The following BRAF variants were observed in gnomAD, a reference collection of about 807,000 sequenced individuals.
BRAF encodes the protein serine/threonine-protein kinase B-raf.
Under a neutral mutation model 104.6 loss-of-function variants are expected in BRAF, and 16 were observed. That is an observed-to-expected ratio of 0.15 (90% CI 0.10 to 0.23). The LOEUF (loss-of-function observed/expected upper bound fraction) is 0.23. BRAF is among the 10% of genes least tolerant of loss of function. The pLI is 1.00. For missense variants in BRAF, 541 were observed against 937.3 expected (o/e 0.58, Z 5.52); for synonymous variants, 310 against 341.6 (o/e 0.91, Z 1.02).
At chr7:140,909,638 G>A (rs1563032009) in intron 1 of BRAF, among the ~76,000 whole-genome samples, 1 of 152,086 alleles carries the variant, frequency 6.6e-6, no homozygotes, top group African/African-American at 2.4e-5. Context: ...ATTTTCTAAA[G>A]GGGTGGAGTA....
intron 3 of BRAF, among the ~76,000 whole-genome samples, chr7:140,819,850 G>C (rs1004834065): frequency 1.3e-5 from 2 of 152,130 alleles, no homozygotes; most frequent in Non-Finnish European, 2.9e-5. Flanking sequence ...GACTGCTAAC[G>C]GGTACAGTGT....
At chr7:140,736,084 T>C (rs1351666309) in intron 18 of BRAF, among the ~76,000 whole-genome samples, 1 of 151,286 alleles carries the variant, frequency 6.6e-6, no homozygotes, top group Non-Finnish European at 1.5e-5. Context: ...TTTTTTTTTT[T>C]TTTTGAGATG....
chr7:140,804,345 T>C (rs1383886037), intron 5 of BRAF, among the ~76,000 whole-genome samples: 4 of 151,172 alleles, frequency 2.6e-5, no homozygotes, highest in Admixed American at 6.6e-5. Context: ...GCTAGGACTA[T>C]AGGCGCACAC....
intron 1 of BRAF, among the ~76,000 whole-genome samples, chr7:140,857,887 A>G (rs949152333): frequency 2.6e-5 from 4 of 152,176 alleles, no homozygotes; most frequent in African/African-American, 9.6e-5. Context: ...AAAATTCCAT[A>G]AAAATTAAAA....
chr7:140,811,502 G>C (rs1334965298), intron 3 of BRAF, among the ~76,000 whole-genome samples: 1 of 152,158 alleles, frequency 6.6e-6, no homozygotes, highest in Non-Finnish European at 1.5e-5. Context: ...ACCCAGCAGG[G>C]AGTCTATGTA....
chr7:140,873,238 T>G (rs866935125), intron 1 of BRAF, among the ~76,000 whole-genome samples: 2 of 146,568 alleles, frequency 1.4e-5, no homozygotes, highest in Non-Finnish European at 3.0e-5. Context: ...TGGCACGATC[T>G]CGGCTCACTG....
At chr7:140,824,283 G>A (rs559812183) in intron 3 of BRAF, 6 of 152,218 alleles carry the variant, frequency 3.9e-5, no homozygotes, top group African/African-American at 1.4e-4. Flanking sequence ...GGCTTTAACT[G>A]TTATGTTCAA....
At chr7:140,791,566 A>G (rs1464242645) in intron 8 of BRAF, among the ~76,000 whole-genome samples, 1 of 138,762 alleles carries the variant, frequency 7.2e-6, no homozygotes, top group East Asian at 2.2e-4. Context: ...ATTTACATCC[A>G]TGGCTTTAAC....
At chr7:140,820,433 CAAGA>C (rs1198670066) in intron 3 of BRAF, among the ~76,000 whole-genome samples, 1 of 152,078 alleles carries the variant, frequency 6.6e-6, no homozygotes. Flanking sequence ...AATTATCCAT[CAAGA>C]AAGAAATAGC....
At chr7:140,793,755 A>G (rs1802232114) in intron 8 of BRAF, among the ~76,000 whole-genome samples, 1 of 152,094 alleles carries the variant, frequency 6.6e-6, no homozygotes, top group South Asian at 2.1e-4. Context: ...CCTCCAGAGT[A>G]GCTGGGACTA....
At chr7:140,714,963 C>T (rs10224958), downstream of BRAF, among the ~76,000 whole-genome samples, 63 of 152,220 alleles carry the variant, frequency 4.1e-4, no homozygotes, top group African/African-American at 1.4e-3. Flanking sequence ...ATCAAGGTCT[C>T]GCATGGGACC....
chr7:140,725,687 T>C lies in BRAF; in HGVS notation c.*807A>G, dbSNP rs1795560510. The C allele has an allele frequency of 9.5e-7, 1 of 1,056,506 alleles. No homozygotes were observed. Among genetic ancestry groups the C allele is most frequent in the Non-Finnish European group, 1.1e-6 (1 of 875,132 alleles). 65.4% of individuals were successfully genotyped at this position (1,056,506 alleles called of 1,614,324 possible). On this transcript the variant is annotated 3_prime_UTR_variant, in exon 20 of 20. Transcript: ENST00000644969. ...TAAACTGTATTTCCTGAGAATTTGC[T>C]ACATTGTGGAGGAAAAAAAAAAAAC...
In BRAF at chr7:140,723,982, G is replaced by A. The variant is rs548700100; in HGVS notation, c.*2512C>T. 9 of 1,041,112 alleles carry A rather than the reference G, an allele frequency of 8.6e-6. No homozygotes were observed. The highest frequency in any genetic ancestry group is 8.1e-6 in the Non-Finnish European group (7 of 863,962). The allele number at this position is 1,041,112 out of a possible 1,614,324, so 64.5% of individuals were successfully genotyped here. A position where few individuals can be genotyped will look rare whatever the true frequency, so the allele number is the denominator to read the frequency against. The stretch of plus-strand genomic sequence containing the variant: ...GAAAAAACCTATTTCATAGAAAAAG[G>A]AAGAAAAGAGAGGTTTAAATATTTT... On this transcript the variant is annotated 3_prime_UTR_variant, in exon 20 of 20. Coordinates refer to ENST00000644969, the MANE Select transcript of BRAF (RefSeq NM_001374258.1).
chr7:140,794,620 A>G (rs1170412015), intron 7 of BRAF, among the ~76,000 whole-genome samples, 153 bp from the exon 8 acceptor site: 2 of 152,238 alleles, frequency 1.3e-5, no homozygotes, highest in Non-Finnish European at 2.9e-5. Flanking sequence ...TAAAAGTATT[A>G]ATTTAAAAAT....
intron 1 of BRAF, among the ~76,000 whole-genome samples, chr7:140,895,456 T>C (rs2129122297): frequency 6.6e-6 from 1 of 152,330 alleles, no homozygotes; most frequent in Non-Finnish European, 1.5e-5. Flanking sequence ...ATCCTCCTCC[T>C]AGCTATATGA....
chr7:140,723,873 T>C lies in BRAF; in HGVS notation c.*2621A>G, dbSNP rs542543569. The C allele has an allele frequency of 2.9e-6, 3 of 1,046,352 alleles. No individual in the cohort carries two copies. Among genetic ancestry groups the C allele is most frequent in the East Asian group, 1.1e-4 (2 of 17,762 alleles). The allele number at this position is 1,046,352 out of a possible 1,614,324, so 64.8% of individuals were successfully genotyped here. A position where few individuals can be genotyped will look rare whatever the true frequency, so the allele number is the denominator to read the frequency against. On this transcript the variant is annotated 3_prime_UTR_variant, in exon 20 of 20. Coordinates refer to ENST00000644969, the MANE Select transcript of BRAF (RefSeq NM_001374258.1). ...CTTCCTCGTTTTTTTAGGAGCTCAG[T>C]AAGTCTAACTGTTGTCTAAGCATCA...
At position 140,734,214 on chromosome 7, in the gene BRAF, C is replaced by T. The variant is rs1796196086; in HGVS notation, c.2401+403G>A. On this transcript the variant is annotated intron_variant, in intron 19 of 19. Transcript: ENST00000644969. The stretch of plus-strand genomic sequence containing the variant: ...CGACTGCCAACTTCTCACCTGCAAA[C>T]ACAGGCATAGGTAGGGTCTTCTTCT... 5 of 1,106,904 alleles carry T rather than the reference C, an allele frequency of 4.5e-6. No individual in the cohort carries two copies. In the South Asian group the frequency reaches 1.5e-4, roughly 33 times the overall value. The allele number at this position is 1,106,904 out of a possible 1,614,324, so 68.6% of individuals were successfully genotyped here.
chr7:140,722,625 A>C lies in BRAF; in HGVS notation c.*3869T>G. The stretch of plus-strand genomic sequence containing the variant: ...GGTATTCCTAGCACTAACAATGCCA[A>C]CTTGGACAAAGAAGAGAATCTTGCA... On this transcript the variant is annotated 3_prime_UTR_variant, in exon 20 of 20. Transcript: ENST00000644969. 1 of 1,053,978 alleles carries C rather than the reference A, an allele frequency of 9.5e-7. No individual in the cohort carries two copies. The highest frequency in any genetic ancestry group is 1.1e-6 in the Non-Finnish European group (1 of 872,138). The allele number at this position is 1,053,978 out of a possible 1,614,324, so 65.3% of individuals were successfully genotyped here. A position where few individuals can be genotyped will look rare whatever the true frequency, so the allele number is the denominator to read the frequency against.
intron 15 of BRAF, 117 bp downstream of exon 14, chr7:140,754,070 C>A (rs555100031): frequency 3.9e-5 from 42 of 1,085,316 alleles, no homozygotes; most frequent in Non-Finnish European, 5.5e-5. Context: ...TTTATTAATT[C>A]TCTTTACAGT....
Sources: gnomAD v4.1 joint callset for allele counts (sites outside exome capture counted in the v4.1 genomes callset) on GRCh38, gnomAD v4.1.1 for gene constraint, MANE v1.5 for transcripts, NCBI Gene and HGNC (gene_info 2026-07-23, HGNC 2026-07-21) for gene names.